Variants in TBL1XR1 observed in about 807,000 individuals in gnomAD.
The protein encoded by TBL1XR1 is F-box-like/WD repeat-containing protein TBL1XR1.
TBL1XR1 carries 5 observed loss-of-function variants against 66.9 expected under a neutral mutation model. The observed-to-expected ratio is 0.07, with a 90% CI of 0.04 to 0.16. The LOEUF (loss-of-function observed/expected upper bound fraction) is 0.16. Ranked by LOEUF, TBL1XR1 falls within the 10% of genes least tolerant of loss-of-function variation. The pLI is 1.00. For synonymous variants in TBL1XR1, 210 were observed against 206.0 expected, an observed-to-expected ratio of 1.02 and a Z score of -0.17; for missense variants, 238 against 623.2, an observed-to-expected ratio of 0.38 and a Z score of 6.58.
rs778600858 is a variant in TBL1XR1, at chr3:177,033,142, AAAGG to A, written c.1251-10_1251-7del. On this transcript the variant is annotated splice_region_variant and splice_polypyrimidine_tract_variant and intron_variant, in intron 13 of 15. Coordinates refer to ENST00000457928, the MANE Select transcript of TBL1XR1 (RefSeq NM_024665.7). ...CAGTAGAATCAAAGGATGCACTGAA[AAAGG>A]AAGGAAAGAAAGTTAATTTATAAGT... 54 of 1,512,940 alleles carry A rather than the reference AAAGG, an allele frequency of 3.6e-5. No individual in the cohort carries two copies. Among genetic ancestry groups the A allele is most frequent in the South Asian group, 2.5e-4 (19 of 76,030 alleles). The allele number at this position is 1,512,940 out of a possible 1,614,324, so 93.7% of individuals were successfully genotyped here. A position where few individuals can be genotyped will look rare whatever the true frequency, so the allele number is the denominator to read the frequency against.
chr3:177,181,226 T>C (rs1734782607), intron 1 of TBL1XR1, among the ~76,000 whole-genome samples: 1 of 152,056 alleles, frequency 6.6e-6, no homozygotes, highest in African/African-American at 2.4e-5. Context: ...GCAGGTGTAA[T>C]CTCAGCACTC....
chr3:177,199,840 C>T (rs997446609), upstream of TBL1XR1, among the ~76,000 whole-genome samples: 2 of 152,286 alleles, frequency 1.3e-5, no homozygotes, highest in East Asian at 1.9e-4. Context: ...GTTTACAAGA[C>T]ATTTCTGTGC....
intron 7 of TBL1XR1, among the ~76,000 whole-genome samples, chr3:177,049,694 G>A (rs185655598): frequency 9.2e-5 from 14 of 152,132 alleles, no homozygotes; most frequent in Admixed American, 9.2e-4. Context: ...AAATATTTAG[G>A]TACCATTTTC....
At chr3:177,042,036 A>G (rs1385390191) in intron 10 of TBL1XR1, among the ~76,000 whole-genome samples, 2 of 152,030 alleles carry the variant, frequency 1.3e-5, no homozygotes, top group African/African-American at 2.4e-5. Context: ...ACCTCTGCAA[A>G]TATTTCTTTG....
At chr3:177,042,556 T>A (rs1225550526) in intron 10 of TBL1XR1, among the ~76,000 whole-genome samples, 1 of 152,188 alleles carries the variant, frequency 6.6e-6, no homozygotes, top group African/African-American at 2.4e-5. Flanking sequence ...ACAGTGCTTA[T>A]AGATTGATGT....
chr3:177,027,728 A>G (rs913939055), intron 14 of TBL1XR1: 1 of 152,222 alleles, frequency 6.6e-6, no homozygotes, highest in Non-Finnish European at 1.5e-5. Context: ...AATTTAGCCC[A>G]GTAATGTGGC....
intron 10 of TBL1XR1, among the ~76,000 whole-genome samples, chr3:177,045,766 C>G (rs961148941): frequency 1.3e-5 from 2 of 152,000 alleles, no homozygotes; most frequent in Non-Finnish European, 2.9e-5. Context: ...CATTTACAGA[C>G]AGTGAAAAGG....
chr3:177,107,792 G>A (rs182496598), intron 1 of TBL1XR1, among the ~76,000 whole-genome samples: 4 of 152,104 alleles, frequency 2.6e-5, no homozygotes, highest in Admixed American at 1.3e-4. Context: ...CCCAAGTTAC[G>A]ATAATAAAAC....
At chr3:177,126,266 A>G (rs1009270554) in intron 1 of TBL1XR1, 8 of 151,162 alleles carry the variant, frequency 5.3e-5, no homozygotes, top group Non-Finnish European at 1.0e-4. Flanking sequence ...TGCATTTCCA[A>G]CAAGTTAGCA....
rs1278875940 is a variant in TBL1XR1 at position 177,050,012 on chromosome 3, T to C, written c.687A>G (p.Thr229=). The C allele has an allele frequency of 2.5e-6, 4 of 1,613,638 alleles. No homozygotes were observed. Among genetic ancestry groups the C allele is most frequent in the South Asian group, 2.2e-5 (2 of 91,080 alleles). The change falls in exon 7 of 16, where the codon ACA becomes ACG. Residue 229 remains threonine, a synonymous_variant. Coordinates refer to ENST00000457928, the MANE Select transcript of TBL1XR1 (RefSeq NM_024665.7). ...GQDVPSNKDV[T]SLDWNSEGTL... ...TGATACTCACATTCCAATCTAGAGA[T>C]GTGACATCCTTGTTGCTTGGAACAT... is the stretch of plus-strand genomic sequence containing the variant.
chr3:177,199,271 G>A (rs947959707), upstream of TBL1XR1, among the ~76,000 whole-genome samples: 5 of 152,168 alleles, frequency 3.3e-5, no homozygotes, highest in African/African-American at 1.2e-4. Context: ...ACCGCACAAA[G>A]CAAGTTTTGC....
intron 1 of TBL1XR1, among the ~76,000 whole-genome samples, chr3:177,121,764 G>A (rs1727002997): frequency 6.6e-6 from 1 of 152,076 alleles, no homozygotes; most frequent in Non-Finnish European, 1.5e-5. Flanking sequence ...GAGGTTTACA[G>A]AAGGCAAGCC....
chr3:177,100,862 T>C (rs1724113536), intron 1 of TBL1XR1, among the ~76,000 whole-genome samples: 1 of 92,846 alleles, frequency 1.1e-5, no homozygotes, highest in Non-Finnish European at 2.4e-5. Flanking sequence ...TTTTCTTTGG[T>C]TTTTTTTTTC....
intron 2 of TBL1XR1, among the ~76,000 whole-genome samples, chr3:177,092,865 A>T (rs1427609470): frequency 1.3e-5 from 2 of 152,204 alleles, no homozygotes; most frequent in Admixed American, 1.3e-4. Context: ...CATAACAGCC[A>T]AGAGGTGGAA....
intron 2 of TBL1XR1, among the ~76,000 whole-genome samples, chr3:177,096,599 G>A (rs754557468): frequency 1.3e-5 from 2 of 152,096 alleles, no homozygotes; most frequent in African/African-American, 2.4e-5. Flanking sequence ...CAAATACTAA[G>A]GATCCGACAA....
intron 1 of TBL1XR1, among the ~76,000 whole-genome samples, chr3:177,163,068 T>A (rs1048535684): frequency 4.6e-5 from 7 of 152,180 alleles, no homozygotes; most frequent in African/African-American, 7.2e-5. Flanking sequence ...GATATCCTTT[T>A]ATGCATAGGG....
chr3:177,173,896 T>C (rs1406586226), intron 1 of TBL1XR1, among the ~76,000 whole-genome samples: 2 of 152,218 alleles, frequency 1.3e-5, no homozygotes, highest in Non-Finnish European at 2.9e-5. Context: ...TAATCAGTTA[T>C]ACATTTAATC....
chr3:177,075,386 A>C (rs1720577058), intron 2 of TBL1XR1, among the ~76,000 whole-genome samples: 1 of 152,230 alleles, frequency 6.6e-6, no homozygotes, highest in Non-Finnish European at 1.5e-5. Flanking sequence ...ACGTCATCTT[A>C]ACTTGATTTA....
intron 3 of TBL1XR1, among the ~76,000 whole-genome samples, chr3:177,061,972 ATGAG>A (rs1180898657): frequency 1.1e-4 from 16 of 152,170 alleles, no homozygotes; most frequent in African/African-American, 3.6e-4. Context: ...GGCATTTGTT[ATGAG>A]TGAGATTCTG....
Sources: allele counts gnomAD v4.1 joint callset (sites outside exome capture counted in the v4.1 genomes callset), GRCh38; gene constraint gnomAD v4.1.1; transcripts MANE v1.5; gene names NCBI Gene and HGNC (gene_info 2026-07-23, HGNC 2026-07-21).